The following SPON1 variants were observed in gnomAD, a reference collection of about 807,000 sequenced individuals.
SPON1 encodes spondin 1, also known as spondin-1.
Under a neutral mutation model 111.7 loss-of-function variants are expected in SPON1, and 52 were observed. The ratio of observed to expected loss-of-function variants is 0.47; its 90% confidence interval spans 0.37 to 0.59. The LOEUF (loss-of-function observed/expected upper bound fraction) is 0.59, where lower values mean the gene tolerates loss of function less well. Ranked by LOEUF, SPON1 falls within the 20% of genes least tolerant of loss-of-function variation. The pLI, the probability that SPON1 is intolerant of heterozygous loss-of-function variation, is 0.00. For missense variants in SPON1, 957 were observed against 1,068.5 expected, an observed-to-expected ratio of 0.90 and a Z score of 1.46; for synonymous variants, 410 against 395.8, an observed-to-expected ratio of 1.04 and a Z score of -0.43.
At chr11:14,238,473 G>A (rs1848889992) in intron 6 of SPON1, among the ~76,000 whole-genome samples, 1 of 152,214 alleles carries the variant, frequency 6.6e-6, no homozygotes, top group Non-Finnish European at 1.5e-5. Flanking sequence ...TCCTCATTGG[G>A]TGGCTGGCTC....
intron 6 of SPON1, among the ~76,000 whole-genome samples, chr11:14,199,957 A>G (rs1036825898): frequency 1.3e-5 from 2 of 152,032 alleles, no homozygotes; most frequent in African/African-American, 4.8e-5. Context: ...GCCTATTCCA[A>G]ACCGCTTACA....
chr11:14,252,485 G>A, intron 7 of SPON1, among the ~76,000 whole-genome samples: 1 of 142,002 alleles, frequency 7.0e-6, no homozygotes, highest in Non-Finnish European at 1.5e-5. Flanking sequence ...GACCTGCGCA[G>A]AGTGTGGGAA....
At chr11:13,998,758 C>T (rs933660932) in intron 2 of SPON1, among the ~76,000 whole-genome samples, 2 of 152,232 alleles carry the variant, frequency 1.3e-5, no homozygotes, top group African/African-American at 4.8e-5. Context: ...GAATTGCTGG[C>T]CTTACCCACT....
At chr11:14,261,099 T>C (rs548070090) in intron 14 of SPON1, among the ~76,000 whole-genome samples, 1 of 152,272 alleles carries the variant, frequency 6.6e-6, no homozygotes, top group South Asian at 2.1e-4. Context: ...CCAAGCATTT[T>C]AATTCTATTT....
At chr11:13,971,210 G>A (rs1408311154) in intron 1 of SPON1, among the ~76,000 whole-genome samples, 1 of 152,212 alleles carries the variant, frequency 6.6e-6, no homozygotes, top group Non-Finnish European at 1.5e-5. Context: ...AGGGCAGATG[G>A]CCTGTGTCCA....
At chr11:14,264,034 TAAAAAAAA>T (rs113927403) in intron 15 of SPON1, among the ~76,000 whole-genome samples, 1 of 117,688 alleles carries the variant, frequency 8.5e-6, no homozygotes, top group Non-Finnish European at 1.8e-5. Context: ...CGTCTCAAAT[TAAAAAAAA>T]AAAAAAAGAA....
At chr11:14,054,910 C>T (rs1264313698) in intron 3 of SPON1, among the ~76,000 whole-genome samples, 1 of 152,196 alleles carries the variant, frequency 6.6e-6, no homozygotes, top group African/African-American at 2.4e-5. Context: ...TAAAATTAAA[C>T]ACATCTGTAG....
chr11:14,132,695 T>C (rs566047389), intron 5 of SPON1, among the ~76,000 whole-genome samples: 2 of 152,306 alleles, frequency 1.3e-5, no homozygotes, highest in South Asian at 4.1e-4. Flanking sequence ...AAACTCCATC[T>C]GGGTCCCTCC....
At chr11:14,066,248 A>G (rs1848831351) in intron 3 of SPON1, among the ~76,000 whole-genome samples, 1 of 152,222 alleles carries the variant, frequency 6.6e-6, no homozygotes, top group Admixed American at 6.5e-5. Context: ...TTAAGAGAAA[A>G]GATTTTTTGG....
In SPON1 at chr11:14,072,718, G is replaced by A. The variant is rs571128105; in HGVS notation, c.480-2627G>A. Among the ~76,000 whole-genome samples, 5 of 152,256 alleles carry A rather than the reference G, an allele frequency of 3.3e-5. No individual in the cohort carries two copies. In the East Asian group the frequency reaches 9.6e-4, roughly 29 times the overall value. On this transcript the variant is annotated intron_variant, in intron 3 of 15. Transcript: ENST00000576479. ...GATGACTGATTTTTAAATGTTTTTA[G>A]CAAGAGAGCTTTATGGAAACAAAAC...
chr11:14,165,050 T>C lies in SPON1; in HGVS notation c.825+29482T>C, dbSNP rs180857522. Among the ~76,000 whole-genome samples the C allele has an allele frequency of 2.3e-3, 355 of 152,310 alleles. 2 individuals are homozygous for C. Among genetic ancestry groups the C allele is most frequent in the African/African-American group, 8.0e-3 (334 of 41,556 alleles). ...TCCTAAACCATAATTTCTAATCTTG[T>C]GGCTAATGTTAGTCCTACAAAGGCA... On this transcript the variant is annotated intron_variant, in intron 6 of 15. Transcript: ENST00000576479.
intron 1 of SPON1, among the ~76,000 whole-genome samples, chr11:13,982,525 C>T (rs1269379788): frequency 6.6e-6 from 1 of 152,208 alleles, no homozygotes; most frequent in Non-Finnish European, 1.5e-5. Flanking sequence ...TAATGTTAGA[C>T]AATTGTGAAG....
chr11:14,257,628 T>G (rs1159158477), intron 10 of SPON1, 88 bp from the exon 11 acceptor site: 4 of 1,307,272 alleles, frequency 3.1e-6, no homozygotes, highest in Non-Finnish European at 4.1e-6. Flanking sequence ...GCATGGCTTT[T>G]CTTGTCCCCA....
At chr11:14,070,153 G>T (rs1848864148) in intron 3 of SPON1, among the ~76,000 whole-genome samples, 1 of 152,092 alleles carries the variant, frequency 6.6e-6, no homozygotes. Flanking sequence ...TGATTCCTGG[G>T]TCATCCCACA....
intron 3 of SPON1, among the ~76,000 whole-genome samples, chr11:14,060,574 G>C (rs782776894): frequency 1.3e-5 from 2 of 152,196 alleles, no homozygotes; most frequent in Non-Finnish European, 2.9e-5. Flanking sequence ...GGCCCTGGCT[G>C]CATATTGGAA....
chr11:13,998,567 A>G (rs1050860202), intron 2 of SPON1, among the ~76,000 whole-genome samples: 3 of 152,146 alleles, frequency 2.0e-5, no homozygotes, highest in Admixed American at 6.5e-5. Flanking sequence ...TTCTTCGCTC[A>G]CTGTGTTACC....
intron 2 of SPON1, among the ~76,000 whole-genome samples, chr11:14,010,829 C>CAGCT (rs1848398960): frequency 6.6e-6 from 1 of 152,204 alleles, no homozygotes; most frequent in African/African-American, 2.4e-5. Flanking sequence ...GGGCTCTAGC[C>CAGCT]AGCTTGTCCG....
chr11:14,160,607 TTATATATATTTA>T (rs1325100561), intron 6 of SPON1, among the ~76,000 whole-genome samples: 321 of 19,344 alleles, frequency 0.017, 54 homozygotes, highest in Middle Eastern at 0.091. Context: ...TTATATATAT[TTATATATATTTA>T]TATATATATT....
intron 2 of SPON1, among the ~76,000 whole-genome samples, chr11:13,986,709 C>T (rs1212722364): frequency 2.0e-5 from 3 of 151,866 alleles, no homozygotes; most frequent in Non-Finnish European, 4.4e-5. Context: ...GTTATCTCTC[C>T]CCTAGCCCCC....
Sources: allele counts gnomAD v4.1 joint callset (sites outside exome capture counted in the v4.1 genomes callset), GRCh38; gene constraint gnomAD v4.1.1; transcripts MANE v1.5; gene names NCBI Gene and HGNC (gene_info 2026-07-23, HGNC 2026-07-21).